Variants in ERC2 observed in about 807,000 individuals in gnomAD.
ERC2 encodes the protein ELKS/RAB6-interacting/CAST family member 2, also known as ERC protein 2.
In ERC2, 42 loss-of-function variants were observed where a neutral mutation model predicts 114.8. The observed-to-expected ratio is 0.37, with a 90% CI of 0.29 to 0.47. The LOEUF (loss-of-function observed/expected upper bound fraction) is 0.47. ERC2 is among the 20% of genes least tolerant of loss of function. The pLI is 0.99. For synonymous variants in ERC2, 454 were observed against 425.5 expected (o/e 1.07, Z -0.82); for missense variants, 939 against 1,150.7 (o/e 0.82, Z 2.66).
At chr3:55,731,056 A>G (rs973249395) in intron 15 of ERC2, among the ~76,000 whole-genome samples, 2 of 152,132 alleles carry the variant, frequency 1.3e-5, no homozygotes, top group Non-Finnish European at 2.9e-5. Context: ...TCCTTCACTG[A>G]TATCTATGTG....
intron 17 of ERC2, among the ~76,000 whole-genome samples, chr3:55,614,703 C>G (rs1041796706): frequency 1.3e-5 from 2 of 152,190 alleles, no homozygotes; most frequent in Non-Finnish European, 2.9e-5. Flanking sequence ...GATGGCCTCT[C>G]TTTAGTGCCT....
intron 17 of ERC2, among the ~76,000 whole-genome samples, chr3:55,663,836 A>G (rs1427205729): frequency 6.6e-6 from 1 of 152,216 alleles, no homozygotes; most frequent in African/African-American, 2.4e-5. Context: ...CAGGACTCTA[A>G]GCCTAGGAAT....
At chr3:56,360,248 A>G (rs1021057759) in intron 2 of ERC2, among the ~76,000 whole-genome samples, 2 of 151,658 alleles carry the variant, frequency 1.3e-5, no homozygotes, top group Non-Finnish European at 2.9e-5. Context: ...ATGGGGTTTC[A>G]CCGTCTTGAT....
chr3:56,090,733 C>T (rs979504209), intron 6 of ERC2, among the ~76,000 whole-genome samples: 1 of 150,256 alleles, frequency 6.7e-6, no homozygotes, highest in Admixed American at 6.6e-5. Flanking sequence ...GAGTACGCAT[C>T]ACCCAAATAG....
At chr3:56,263,375 G>A (rs13093755) in intron 3 of ERC2, among the ~76,000 whole-genome samples, 102,823 of 147,832 alleles carry the variant, frequency 0.7, 36,290 homozygotes, top group Non-Finnish European at 0.76. Flanking sequence ...AAAAAAAAAA[G>A]CCATGAGAAT....
intron 13 of ERC2, among the ~76,000 whole-genome samples, chr3:55,927,222 T>C (rs2065802165): frequency 6.6e-6 from 1 of 152,176 alleles, no homozygotes; most frequent in South Asian, 2.1e-4. Context: ...TTTAGGTTTG[T>C]CTTAGATTTT....
At chr3:56,259,558 T>C (rs993586102) in intron 3 of ERC2, among the ~76,000 whole-genome samples, 5 of 152,086 alleles carry the variant, frequency 3.3e-5, no homozygotes, top group African/African-American at 1.2e-4. Flanking sequence ...GGAGGAAACG[T>C]GGGTTTTAGA....
chr3:55,653,884 C>G (rs2148686638), intron 17 of ERC2, among the ~76,000 whole-genome samples: 1 of 152,300 alleles, frequency 6.6e-6, no homozygotes, highest in Middle Eastern at 3.4e-3. Flanking sequence ...GGCCCCAGCT[C>G]TTTCTTGGAA....
In ERC2 at chr3:56,145,194, G is replaced by A. The variant is rs1035768060; in HGVS notation, c.1305+3783C>T. Among the ~76,000 whole-genome samples the A allele has an allele frequency of 3.3e-5, 5 of 152,312 alleles. No individual in the cohort carries two copies. In the East Asian group the frequency reaches 9.7e-4, roughly 29 times the overall value. Reference sequence around the variant, plus strand: ...AAAGTGATATGCTTACTATCATGAAGTTTGGGTTAGGAGGTTTGTAATCTA... The same window carrying A: ...AAAGTGATATGCTTACTATCATGAAATTTGGGTTAGGAGGTTTGTAATCTA... On this transcript the variant is annotated intron_variant, in intron 5 of 17. Coordinates refer to ENST00000288221, the MANE Select transcript of ERC2 (RefSeq NM_015576.3).
chr3:55,590,261 G>A (rs573797740), intron 17 of ERC2, among the ~76,000 whole-genome samples: 2 of 152,268 alleles, frequency 1.3e-5, no homozygotes, highest in African/African-American at 4.8e-5. Flanking sequence ...CAAATTTGGC[G>A]AGGTTATAGG....
At chr3:55,927,917 G>C (rs1260463705) in intron 13 of ERC2, among the ~76,000 whole-genome samples, 2 of 152,140 alleles carry the variant, frequency 1.3e-5, no homozygotes, top group Non-Finnish European at 2.9e-5. Context: ...TTCCACCCAT[G>C]TTGTTGCAAA....
intron 3 of ERC2, among the ~76,000 whole-genome samples, chr3:56,224,700 A>C (rs1281166152): frequency 6.6e-6 from 1 of 152,182 alleles, no homozygotes; most frequent in Non-Finnish European, 1.5e-5. Context: ...ATGCAAGAAT[A>C]CCCACAGTTA....
At chr3:56,403,530 C>T (rs114465287) in intron 2 of ERC2, among the ~76,000 whole-genome samples, 183 of 152,270 alleles carry the variant, frequency 1.2e-3, no homozygotes, top group African/African-American at 4.1e-3. Context: ...GGAGCCTTGC[C>T]ACTCACAGTG....
At chr3:55,599,340 A>C (rs190354449) in intron 17 of ERC2, among the ~76,000 whole-genome samples, 66 of 152,318 alleles carry the variant, frequency 4.3e-4, no homozygotes, top group Non-Finnish European at 7.8e-4. Context: ...CAGAGAAGAC[A>C]ACTTGATACC....
intron 17 of ERC2, among the ~76,000 whole-genome samples, chr3:55,643,358 A>G (rs1348657392): frequency 6.6e-6 from 1 of 152,216 alleles, no homozygotes; most frequent in Non-Finnish European, 1.5e-5. Context: ...ATCAATCATC[A>G]TCATGTGGAT....
intron 14 of ERC2, among the ~76,000 whole-genome samples, chr3:55,861,416 G>A (rs1394715422): frequency 1.3e-5 from 2 of 152,098 alleles, no homozygotes; most frequent in African/African-American, 4.8e-5. Flanking sequence ...AATGCCCCTA[G>A]ACAACCCCAA....
At chr3:55,963,076 G>A (rs550243270) in intron 12 of ERC2, among the ~76,000 whole-genome samples, 1 of 152,332 alleles carries the variant, frequency 6.6e-6, no homozygotes, top group East Asian at 1.9e-4. Context: ...CAGGATGGAA[G>A]GTGAGAGCTC....
intron 14 of ERC2, among the ~76,000 whole-genome samples, chr3:55,752,456 T>C (rs909135221): frequency 6.6e-5 from 10 of 152,218 alleles, no homozygotes; most frequent in Non-Finnish European, 1.2e-4. Flanking sequence ...TCTATTGACC[T>C]GGTTTACCAG....
At chr3:55,811,899 G>A (rs1400985741) in intron 14 of ERC2, among the ~76,000 whole-genome samples, 1 of 152,160 alleles carries the variant, frequency 6.6e-6, no homozygotes, top group Non-Finnish European at 1.5e-5. Flanking sequence ...AGGATGTGAA[G>A]CTTTGTTACA....
Sources: gnomAD v4.1 joint callset for allele counts (sites outside exome capture counted in the v4.1 genomes callset) on GRCh38, gnomAD v4.1.1 for gene constraint, MANE v1.5 for transcripts, NCBI Gene and HGNC (gene_info 2026-07-23, HGNC 2026-07-21) for gene names.